SORCS1: variants seen among roughly 807,000 people sequenced by gnomAD.
The protein encoded by SORCS1 is VPS10 domain-containing receptor SorCS1.
Under a neutral mutation model 146.1 loss-of-function variants are expected in SORCS1, and 60 were observed. The observed-to-expected ratio is 0.41, with a 90% CI of 0.33 to 0.51. The LOEUF (loss-of-function observed/expected upper bound fraction) is 0.51. Among genes scored for constraint, SORCS1 ranks in the 20% least tolerant of loss-of-function variants. The pLI is 0.21. For synonymous variants in SORCS1, 637 were observed against 584.0 expected, an observed-to-expected ratio of 1.09 and a Z score of -1.31; for missense variants, 1,352 against 1,487.6, an observed-to-expected ratio of 0.91 and a Z score of 1.50.
At chr10:106,652,625 A>G in intron 17 of SORCS1, 72 bp from the exon 18 acceptor site, 1 of 1,550,878 alleles carries the variant, frequency 6.4e-7, no homozygotes. Flanking sequence ...TTAAAATTAG[A>G]CATAGTGCCT....
At chr10:107,116,717 G>C (rs1418587759) in intron 1 of SORCS1, among the ~76,000 whole-genome samples, 2 of 151,998 alleles carry the variant, frequency 1.3e-5, no homozygotes, top group Non-Finnish European at 2.9e-5. Flanking sequence ...AAATTCCAGG[G>C]ATCAAGTCTA....
chr10:106,796,588 G>A (rs894267162), intron 3 of SORCS1, among the ~76,000 whole-genome samples: 5 of 152,156 alleles, frequency 3.3e-5, no homozygotes, highest in African/African-American at 1.2e-4. Context: ...TCAGCCTTTA[G>A]GCTAAATATC....
At chr10:107,111,386 A>G (rs1965690282) in intron 1 of SORCS1, among the ~76,000 whole-genome samples, 1 of 152,216 alleles carries the variant, frequency 6.6e-6, no homozygotes, top group East Asian at 1.9e-4. Flanking sequence ...TAAAGAATCA[A>G]ACAGAAATCC....
chr10:107,044,080 C>T (rs1223699381), intron 1 of SORCS1, among the ~76,000 whole-genome samples: 1 of 152,170 alleles, frequency 6.6e-6, no homozygotes, highest in East Asian at 1.9e-4. Context: ...TTTTTCTCTT[C>T]TCTATCCTGC....
chr10:106,586,169 C>T (rs1244605997), intron 24 of SORCS1, among the ~76,000 whole-genome samples: 1 of 152,176 alleles, frequency 6.6e-6, no homozygotes, highest in African/African-American at 2.4e-5. Context: ...TTGGTATAGT[C>T]TTCTATCCCC....
intron 1 of SORCS1, among the ~76,000 whole-genome samples, chr10:107,029,488 T>G (rs1360336287): frequency 6.6e-6 from 1 of 152,208 alleles, no homozygotes; most frequent in Non-Finnish European, 1.5e-5. Context: ...ATAACCACAG[T>G]GTGTAGCAAA....
chr10:106,750,684 G>GCGC (rs1858099502), intron 5 of SORCS1, among the ~76,000 whole-genome samples: 2 of 117,296 alleles, frequency 1.7e-5, no homozygotes, highest in African/African-American at 6.5e-5. Context: ...AGCCGAGATC[G>GCGC]CACCACTGCA....
intron 1 of SORCS1, among the ~76,000 whole-genome samples, chr10:106,983,986 A>G (rs561499665): frequency 6.6e-6 from 1 of 152,368 alleles, no homozygotes; most frequent in South Asian, 2.1e-4. Context: ...AAGCTGGTGA[A>G]ATATTTTAAA....
intron 22 of SORCS1, among the ~76,000 whole-genome samples, chr10:106,610,575 T>C (rs1846909456): frequency 6.6e-6 from 1 of 152,210 alleles, no homozygotes. Flanking sequence ...GATCAGGAGT[T>C]ATCTGAATGC....
At chr10:106,952,883 T>C (rs1954758451) in intron 2 of SORCS1, among the ~76,000 whole-genome samples, 1 of 151,822 alleles carries the variant, frequency 6.6e-6, no homozygotes, top group Non-Finnish European at 1.5e-5. Context: ...CTTGGGAGGC[T>C]AAGGTGGGAA....
At chr10:106,580,786 G>A (rs1438642205) in intron 24 of SORCS1, among the ~76,000 whole-genome samples, 1 of 152,190 alleles carries the variant, frequency 6.6e-6, no homozygotes, top group African/African-American at 2.4e-5. Context: ...CGGCCACTCT[G>A]TATTGATACT....
chr10:106,602,127 T>A (rs979094400), intron 23 of SORCS1, among the ~76,000 whole-genome samples: 1 of 152,166 alleles, frequency 6.6e-6, no homozygotes, highest in Admixed American at 6.5e-5. Flanking sequence ...ATAGAACACA[T>A]AACCCAAATA....
At chr10:106,824,102 G>T (rs966489326) in intron 3 of SORCS1, among the ~76,000 whole-genome samples, 2 of 148,054 alleles carry the variant, frequency 1.4e-5, no homozygotes, top group South Asian at 2.2e-4. Flanking sequence ...TCAGGAGTTC[G>T]AAACCAGCCT....
In SORCS1 at chr10:106,707,172, C is replaced by A. The variant is rs142915597; in HGVS notation, c.1144-538G>T. Among the ~76,000 whole-genome samples the A allele has an allele frequency of 1.1e-4, 16 of 143,832 alleles. No individual in the cohort carries two copies. The East Asian group carries it at 3.3e-3, about 30-fold the overall frequency. The allele number at this position is 143,832 out of a possible 152,430, so 94.4% of individuals were successfully genotyped here. ...ATTGGTGTCCAAATTCAATCTAGGT[C>A]TCTTCTATTTAATTTAATTTTTTTT... On this transcript the variant is annotated intron_variant, in intron 7 of 25. Transcript: ENST00000263054.
chr10:106,590,920 G>A (rs1845565518), intron 24 of SORCS1, among the ~76,000 whole-genome samples: 1 of 152,188 alleles, frequency 6.6e-6, no homozygotes, highest in South Asian at 2.1e-4. Flanking sequence ...CTCCCAAAGT[G>A]CTGGTATTAC....
At chr10:106,935,355 G>A (rs1266816393) in intron 2 of SORCS1, among the ~76,000 whole-genome samples, 2 of 152,096 alleles carry the variant, frequency 1.3e-5, no homozygotes, top group Non-Finnish European at 2.9e-5. Context: ...TGGAAACTTG[G>A]TGGAGATAAT....
rs1249435294 is a variant in SORCS1, at chr10:107,148,336, C to A, written c.558+15633G>T. Among the ~76,000 whole-genome samples the A allele has an allele frequency of 2.0e-5, 3 of 152,208 alleles. No individual in the cohort carries two copies. In the East Asian group the frequency reaches 5.8e-4, roughly 29 times the overall value. On this transcript the variant is annotated intron_variant, in intron 1 of 25. Coordinates refer to ENST00000263054, the MANE Select transcript of SORCS1 (RefSeq NM_052918.5). ...CTATACGGTCTCTGTCACAACTATT[C>A]AACTTTGTTGTTGTAGCAGGAAAGC...
chr10:106,698,299 C>T (rs1349210679), intron 9 of SORCS1, among the ~76,000 whole-genome samples: 1 of 152,236 alleles, frequency 6.6e-6, no homozygotes, highest in East Asian at 1.9e-4. Context: ...AATCTCTTGA[C>T]TCACTGCTCT....
At chr10:106,628,545 T>G (rs1360852958) in intron 19 of SORCS1, among the ~76,000 whole-genome samples, 2 of 152,236 alleles carry the variant, frequency 1.3e-5, no homozygotes, top group East Asian at 3.8e-4. Context: ...TTAGAAGTTA[T>G]TATTGTCTCA....
Sources: gnomAD v4.1 joint callset for allele counts (sites outside exome capture counted in the v4.1 genomes callset) on GRCh38, gnomAD v4.1.1 for gene constraint, MANE v1.5 for transcripts, NCBI Gene and HGNC (gene_info 2026-07-23, HGNC 2026-07-21) for gene names.